Variants in TPM1 observed in about 807,000 individuals in gnomAD.
TPM1 encodes the protein tropomyosin alpha-1 chain.
A neutral mutation model predicts 42.9 loss-of-function variants in TPM1; 24 were observed. The ratio of observed to expected loss-of-function variants is 0.56; its 90% CI spans 0.41 to 0.79. TPM1 has a LOEUF of 0.79. TPM1 is among the 30% of genes least tolerant of loss of function. TPM1 has a pLI of 0.00. For missense variants in TPM1, 158 were observed against 351.8 expected, an observed-to-expected ratio of 0.45 and a Z score of 4.41; for synonymous variants, 136 against 130.1, an observed-to-expected ratio of 1.05 and a Z score of -0.31.
At chr15:63,054,543 G>C (rs2034474506) in intron 2 of TPM1, 1 of 152,254 alleles carries the variant, frequency 6.6e-6, no homozygotes, top group Admixed American at 6.5e-5. Flanking sequence ...GTCACCCAGA[G>C]GGTTCTTTCC....
chr15:63,070,242 A>C (rs2036529943), downstream of TPM1: 2 of 1,174,932 alleles, frequency 1.7e-6, no homozygotes, highest in African/African-American at 1.6e-5. Flanking sequence ...GAGCCCCCCC[A>C]AAAAATGTTT....
downstream of TPM1, chr15:63,070,112 T>C (rs976197265): frequency 2.7e-6 from 4 of 1,495,848 alleles, no homozygotes; most frequent in Non-Finnish European, 3.6e-6. Context: ...TTTCTCTATA[T>C]GGCTGGAATA....
At chr15:63,064,995 G>T in intron 9 of TPM1, 1 of 985,284 alleles carries the variant, frequency 1.0e-6, no homozygotes, top group Non-Finnish European at 1.2e-6. Flanking sequence ...AGAGTAAAAA[G>T]AACCCTCTGC....
At chr15:63,048,002 G>A (rs942929212) in intron 2 of TPM1, 1 of 296,426 alleles carries the variant, frequency 3.4e-6, no homozygotes, top group Non-Finnish European at 6.6e-6. Context: ...TGGGGAATGG[G>A]GGTAGTGCTT....
intron 6 of TPM1, 79 bp from the exon 7 acceptor site, chr15:63,062,136 G>C: frequency 7.7e-7 from 1 of 1,291,830 alleles, no homozygotes; most frequent in Non-Finnish European, 1.1e-6. Context: ...TGTTGGCTGA[G>C]CTGGCGAGTT....
Position 63,044,136 on chromosome 15 carries a change from AG to A in TPM1, c.225del (p.Lys77ArgfsTer9). The A allele has an allele frequency of 2.5e-6, 4 of 1,614,242 alleles. No individual in the cohort carries two copies. Among genetic ancestry groups the A allele is most frequent in the Non-Finnish European group, 3.4e-6 (4 of 1,180,044 alleles). ...GCCCAGGAGAAGCTGGAGCTGGCAG[AG>A]AAAAAGGCCACCGATGTAAGTGCAC... The part of the protein sequence containing the change: ...KDAQEKLELA[E>X]KKATDAEADV... On this transcript the variant is annotated frameshift_variant, in exon 2 of 10. Coordinates refer to ENST00000403994, the MANE Select transcript of TPM1 (RefSeq NM_001018005.2). LOFTEE classifies it high-confidence loss of function.
At chr15:63,061,442 C>T (rs1171003657) in intron 5 of TPM1, 2 of 790,094 alleles carry the variant, frequency 2.5e-6, no homozygotes, top group East Asian at 2.7e-5. Flanking sequence ...TTTGTTTTCC[C>T]TTCATAAATG....
At chr15:63,058,267 A>G (rs1462898715) in intron 3 of TPM1, among the ~76,000 whole-genome samples, 1 of 152,058 alleles carries the variant, frequency 6.6e-6, no homozygotes, top group African/African-American at 2.4e-5. Context: ...AGTAAAGGGG[A>G]CTTGGGGATC....
intron 8 of TPM1, chr15:63,063,818 A>T (rs1393460965): frequency 1.9e-6 from 1 of 518,030 alleles, no homozygotes; most frequent in Non-Finnish European, 3.4e-6. Flanking sequence ...ATTTGTTAGG[A>T]TTTTCATATT....
intron 2 of TPM1, chr15:63,049,000 G>C: frequency 2.4e-6 from 1 of 421,434 alleles, no homozygotes; most frequent in Non-Finnish European, 4.4e-6. Context: ...TGTTTCTGGG[G>C]TGGTGGCTTT....
chr15:63,070,215 AAC>A, downstream of TPM1: 1 of 1,235,714 alleles, frequency 8.1e-7, no homozygotes, highest in Non-Finnish European at 1.0e-6. Flanking sequence ...CTCTTGTTTG[AAC>A]TGATAAATAA....
intron 2 of TPM1, chr15:63,048,762 G>T (rs886954491): frequency 8.6e-6 from 13 of 1,510,858 alleles, no homozygotes; most frequent in Non-Finnish European, 1.1e-5. Context: ...TCCCGGGGCA[G>T]CCCCGCAGGG....
At chr15:63,057,802 C>A (rs923553832) in intron 3 of TPM1, among the ~76,000 whole-genome samples, 32 of 152,276 alleles carry the variant, frequency 2.1e-4, no homozygotes, top group African/African-American at 7.7e-4. Flanking sequence ...AGGCATTTTC[C>A]CTTAAGCTCA....
exon 9 of TPM1, chr15:63,071,692 G>A (rs139766177): frequency 1.8e-4 from 31 of 176,738 alleles, no homozygotes; most frequent in African/African-American, 7.1e-4. Flanking sequence ...TGTAAGCCAC[G>A]CTGCTCTTCC....
Position 63,050,794 on chromosome 15 carries a change from T to G in TPM1, c.241-6191T>G, listed in dbSNP as rs542128708. 3.9e-5 allele frequency among the ~76,000 whole-genome samples: 6 copies of G among 152,366 alleles called. No individual in the cohort carries two copies. In the East Asian group the frequency reaches 1.2e-3, roughly 29 times the overall value. ...AAATTGGAACTTAAATGTAGCTGAC[T>G]TAGGTATTTAGATGTAGCTTGGGCT... On this transcript the variant is annotated intron_variant, in intron 2 of 9. Coordinates refer to ENST00000403994, the MANE Select transcript of TPM1 (RefSeq NM_001018005.2).
Position 63,061,037 on chromosome 15 carries a change from T to C in TPM1, c.563+98T>C. The C allele has an allele frequency of 2.0e-6, 3 of 1,525,162 alleles. No individual in the cohort carries two copies. The South Asian group carries it at 3.4e-5, about 17-fold the overall frequency. The allele number at this position is 1,525,162 out of a possible 1,614,324, so 94.5% of individuals were successfully genotyped here. A position where few individuals can be genotyped will look rare whatever the true frequency, so the allele number is the denominator to read the frequency against. ...GCAGCTGCACATTACCTGTTTCAGC[T>C]CCGGGCTCCTTTTGTGCTCATTTGA... is the stretch of plus-strand genomic sequence containing the variant. On this transcript the variant is annotated intron_variant, in intron 5 of 9. Transcript: ENST00000403994.
chr15:63,063,682 C>G lies in TPM1; in HGVS notation c.773-382C>G, dbSNP rs1405264463. On this transcript the variant is annotated intron_variant, in intron 8 of 9. Transcript: ENST00000403994. ...TTATAGCTGCAGATGCCTGACTACT[C>G]CAGTGTAATTAAAATATAGCTCTGC... 1.8e-5 allele frequency: 4 copies of G among 216,842 alleles called. No individual in the cohort carries two copies. In the Admixed American group the frequency reaches 2.1e-4, roughly 11 times the overall value. The allele number at this position is 216,842 out of a possible 1,614,324, so 13.4% of individuals were successfully genotyped here.
chr15:63,043,251 C>T, intron 1 of TPM1: 1 of 512,344 alleles, frequency 2.0e-6, no homozygotes, highest in Non-Finnish European at 3.6e-6. Context: ...ACACCCGGTT[C>T]CTGGGGACGT....
In TPM1 at chr15:63,064,061, T is replaced by C. The variant is rs113759732; in HGVS notation, c.773-3T>C. 11 of 1,613,874 alleles carry C rather than the reference T, an allele frequency of 6.8e-6. No individual in the cohort carries two copies. Among genetic ancestry groups the C allele is most frequent in the African/African-American group, 2.7e-5 (2 of 74,914 alleles). On this transcript the variant is annotated splice_polypyrimidine_tract_variant and splice_region_variant and intron_variant, in intron 8 of 9. Coordinates refer to ENST00000403994, the MANE Select transcript of TPM1 (RefSeq NM_001018005.2). ...ACCTCTGCCTTCCACTTCCTGGTCATAGACGAGCTGTACGCTCAGAAACTG... is the reference window on the plus strand; with the variant it reads ...ACCTCTGCCTTCCACTTCCTGGTCACAGACGAGCTGTACGCTCAGAAACTG...
Sources: gnomAD v4.1 joint callset for allele counts (sites outside exome capture counted in the v4.1 genomes callset) on GRCh38, gnomAD v4.1.1 for gene constraint, MANE v1.5 for transcripts, NCBI Gene and HGNC (gene_info 2026-07-23, HGNC 2026-07-21) for gene names.